Variants in ZNF385B observed in about 807,000 individuals in gnomAD.
ZNF385B encodes zinc finger protein 385B, also known as zinc finger protein 533.
ZNF385B carries 23 observed loss-of-function variants against 39.2 expected under a neutral mutation model. That is an observed-to-expected ratio of 0.59 (90% CI 0.42 to 0.83). The LOEUF is 0.83. ZNF385B is among the 40% of genes least tolerant of loss of function. The probability of loss-of-function intolerance (pLI) is 0.00; values close to 1 mark genes in which losing one functional copy is unlikely to be tolerated. For synonymous variants in ZNF385B, 205 were observed against 222.6 expected (o/e 0.92, Z 0.70); for missense variants, 552 against 598.9 (o/e 0.92, Z 0.82).
At chr2:179,492,007 A>G (rs1464692213) in intron 5 of ZNF385B, among the ~76,000 whole-genome samples, 1 of 152,160 alleles carries the variant, frequency 6.6e-6, no homozygotes, top group Non-Finnish European at 1.5e-5. Context: ...GCCATCTTTT[A>G]TTTTATAATA....
intron 6 of ZNF385B, among the ~76,000 whole-genome samples, chr2:179,449,205 T>C (rs1351557074): frequency 6.6e-6 from 1 of 152,042 alleles, no homozygotes; most frequent in Non-Finnish European, 1.5e-5. Flanking sequence ...CAACAGAAAC[T>C]GGTAAGAGGC....
intron 1 of ZNF385B, among the ~76,000 whole-genome samples, chr2:179,790,908 C>T (rs1049193400): frequency 1.3e-5 from 2 of 152,268 alleles, no homozygotes; most frequent in Middle Eastern, 3.4e-3. Flanking sequence ...ATTATAATGT[C>T]CCCCTATTTA....
At chr2:179,769,173 G>GA (rs1305782370) in intron 3 of ZNF385B, among the ~76,000 whole-genome samples, 5 of 152,082 alleles carry the variant, frequency 3.3e-5, no homozygotes, top group South Asian at 2.1e-4. Flanking sequence ...TTAAGAGAGG[G>GA]AAAAAATGAC....
intron 1 of ZNF385B, among the ~76,000 whole-genome samples, chr2:179,841,655 C>A (rs530133853): frequency 1.3e-5 from 2 of 152,262 alleles, no homozygotes; most frequent in African/African-American, 2.4e-5. Context: ...TACTCCCCAT[C>A]CCCAGTTGTA....
intron 1 of ZNF385B, among the ~76,000 whole-genome samples, chr2:179,853,362 G>C (rs1684332691): frequency 6.6e-6 from 1 of 152,186 alleles, no homozygotes; most frequent in Non-Finnish European, 1.5e-5. Context: ...ATCAAGTTCA[G>C]AAAGCATATT....
At chr2:179,501,234 CT>C in intron 5 of ZNF385B, among the ~76,000 whole-genome samples, 1 of 152,230 alleles carries the variant, frequency 6.6e-6, no homozygotes, top group East Asian at 1.9e-4. Flanking sequence ...AATCCCATTG[CT>C]GGGTATATAC....
At chr2:179,615,097 C>T (rs565131941) in intron 3 of ZNF385B, among the ~76,000 whole-genome samples, 2 of 152,280 alleles carry the variant, frequency 1.3e-5, no homozygotes, top group Non-Finnish European at 2.9e-5. Flanking sequence ...AGCAGCTATC[C>T]TTTTCTTGTT....
chr2:179,493,696 C>CATATGTGTATATGT (rs2055674756), intron 5 of ZNF385B, among the ~76,000 whole-genome samples: 1 of 84,000 alleles, frequency 1.2e-5, no homozygotes, highest in Non-Finnish European at 2.6e-5. Context: ...CACATATATA[C>CATATGTGTATATGT]ATATATGTAT....
At chr2:179,509,247 T>C (rs1032486883) in intron 5 of ZNF385B, among the ~76,000 whole-genome samples, 1 of 152,210 alleles carries the variant, frequency 6.6e-6, no homozygotes, top group South Asian at 2.1e-4. Flanking sequence ...TTTTCATTGA[T>C]AAGTTTAATA....
At chr2:179,493,453 ATG>A (rs1163831529) in intron 5 of ZNF385B, among the ~76,000 whole-genome samples, 7 of 150,314 alleles carry the variant, frequency 4.7e-5, no homozygotes, top group Non-Finnish European at 8.9e-5. Flanking sequence ...GCATGTGTAC[ATG>A]TGTGTACATA....
chr2:179,717,941 A>G (rs376016990), intron 3 of ZNF385B, among the ~76,000 whole-genome samples: 1 of 152,216 alleles, frequency 6.6e-6, no homozygotes, highest in South Asian at 2.1e-4. Context: ...AATGTATCAG[A>G]ATCCTTGAAA....
intron 1 of ZNF385B, among the ~76,000 whole-genome samples, chr2:179,785,972 T>C (rs1187253543): frequency 6.6e-6 from 1 of 152,106 alleles, no homozygotes; most frequent in Non-Finnish European, 1.5e-5. Flanking sequence ...AAAGAGTACA[T>C]CGATGTAGCA....
chr2:179,664,224 T>C (rs919812732), intron 3 of ZNF385B, among the ~76,000 whole-genome samples: 3 of 152,032 alleles, frequency 2.0e-5, no homozygotes, highest in Non-Finnish European at 4.4e-5. Context: ...TTTTCTATAA[T>C]GCTAAATATT....
chr2:179,633,849 C>A (rs900720551), intron 3 of ZNF385B, among the ~76,000 whole-genome samples: 4 of 152,122 alleles, frequency 2.6e-5, no homozygotes, highest in African/African-American at 4.8e-5. Context: ...GGTACTGGTA[C>A]CAAAACAGAG....
intron 3 of ZNF385B, among the ~76,000 whole-genome samples, chr2:179,665,280 C>T (rs1182164289): frequency 1.3e-5 from 2 of 152,204 alleles, no homozygotes; most frequent in Non-Finnish European, 2.9e-5. Context: ...GATCAATTCC[C>T]GCAACTCCTC....
intron 5 of ZNF385B, among the ~76,000 whole-genome samples, chr2:179,513,659 G>A (rs1018876116): frequency 4.6e-5 from 7 of 152,132 alleles, no homozygotes; most frequent in African/African-American, 9.7e-5. Flanking sequence ...CTTGTAAGAC[G>A]GAGATGTTTA....
intron 1 of ZNF385B, among the ~76,000 whole-genome samples, chr2:179,854,385 A>G (rs186721251): frequency 6.6e-6 from 1 of 152,238 alleles, no homozygotes; most frequent in Admixed American, 6.5e-5. Context: ...TTAACTCTAA[A>G]CATACAATGA....
At chr2:179,753,356 T>C (rs1268324901) in intron 3 of ZNF385B, among the ~76,000 whole-genome samples, 2 of 152,226 alleles carry the variant, frequency 1.3e-5, no homozygotes, top group Non-Finnish European at 2.9e-5. Context: ...TAGTATAGTT[T>C]GAAGTCAGGT....
intron 4 of ZNF385B, among the ~76,000 whole-genome samples, chr2:179,543,618 C>A (rs1297644664): frequency 6.6e-6 from 1 of 151,524 alleles, no homozygotes; most frequent in East Asian, 1.9e-4. Context: ...ATGATTTATC[C>A]TATTGAGCCA....
Sources: gnomAD v4.1 joint callset for allele counts (sites outside exome capture counted in the v4.1 genomes callset) on GRCh38, gnomAD v4.1.1 for gene constraint, MANE v1.5 for transcripts, NCBI Gene and HGNC (gene_info 2026-07-23, HGNC 2026-07-21) for gene names.